Variants in RBMS1 observed in about 807,000 individuals in gnomAD.
RBMS1 encodes RNA binding motif single stranded interacting protein 1.
A neutral mutation model predicts 62.3 loss-of-function variants in RBMS1; 17 were observed. The ratio of observed to expected loss-of-function variants is 0.27; its 90% CI spans 0.19 to 0.41. RBMS1 has a LOEUF of 0.41. Ranked by LOEUF, RBMS1 falls within the 10% of genes least tolerant of loss-of-function variation. The pLI is 1.00. For missense variants in RBMS1, 334 were observed against 504.5 expected (o/e 0.66, Z 3.24); for synonymous variants, 172 against 170.0 (o/e 1.01, Z -0.09).
intron 1 of RBMS1, among the ~76,000 whole-genome samples, chr2:160,454,657 TGAA>T (rs1485883562): frequency 6.6e-6 from 1 of 152,012 alleles, no homozygotes; most frequent in East Asian, 1.9e-4. Context: ...TGGAACCCAG[TGAA>T]GAAGAGGAGT....
chr2:160,464,531 A>G (rs1684607030), intron 1 of RBMS1, among the ~76,000 whole-genome samples: 1 of 152,212 alleles, frequency 6.6e-6, no homozygotes, highest in South Asian at 2.1e-4. Flanking sequence ...AAGGCAGGCA[A>G]TATTTTCTTT....
chr2:160,354,744 C>A (rs931664971), intron 2 of RBMS1, among the ~76,000 whole-genome samples: 5 of 152,052 alleles, frequency 3.3e-5, no homozygotes, highest in Non-Finnish European at 5.9e-5. Context: ...TTAACAGAGG[C>A]AAGAAGATGC....
At chr2:160,414,335 G>A (rs1037260284) in intron 1 of RBMS1, among the ~76,000 whole-genome samples, 2 of 151,618 alleles carry the variant, frequency 1.3e-5, no homozygotes, top group African/African-American at 4.8e-5. Flanking sequence ...AATCATTGGT[G>A]GGACAGAGTT....
intron 6 of RBMS1, among the ~76,000 whole-genome samples, chr2:160,293,374 A>G (rs1296520337): frequency 6.6e-6 from 1 of 152,210 alleles, no homozygotes; most frequent in Admixed American, 6.5e-5. Flanking sequence ...CACATAACCA[A>G]TTGGAAAAGT....
intron 2 of RBMS1, among the ~76,000 whole-genome samples, chr2:160,366,183 C>T (rs925091149): frequency 3.3e-5 from 5 of 152,202 alleles, no homozygotes; most frequent in Non-Finnish European, 2.9e-5. Context: ...CTCCTTCCCC[C>T]ACCCATGGAA....
At chr2:160,465,156 G>A (rs1230968215) in intron 1 of RBMS1, among the ~76,000 whole-genome samples, 1 of 152,136 alleles carries the variant, frequency 6.6e-6, no homozygotes, top group Non-Finnish European at 1.5e-5. Context: ...AGATTAATTG[G>A]CCAACCTGTC....
At chr2:160,363,621 G>A (rs1559447902) in intron 2 of RBMS1, among the ~76,000 whole-genome samples, 2 of 152,178 alleles carry the variant, frequency 1.3e-5, no homozygotes, top group Admixed American at 1.3e-4. Context: ...ACAAAACTTA[G>A]TGACAAAGGG....
intron 9 of RBMS1, 90 bp from the exon 10 acceptor site, chr2:160,281,454 C>A: frequency 9.1e-7 from 1 of 1,100,666 alleles, no homozygotes; most frequent in Non-Finnish European, 1.3e-6. Flanking sequence ...TGTTAAAAAT[C>A]TACAGAAAGA....
At chr2:160,465,092 C>T (rs931965331) in intron 1 of RBMS1, among the ~76,000 whole-genome samples, 4 of 152,174 alleles carry the variant, frequency 2.6e-5, no homozygotes, top group Non-Finnish European at 5.9e-5. Flanking sequence ...CAAATAATCA[C>T]CATGACAAAA....
chr2:160,430,180 G>C (rs1559541765), intron 1 of RBMS1, among the ~76,000 whole-genome samples: 1 of 152,224 alleles, frequency 6.6e-6, no homozygotes, highest in South Asian at 2.1e-4. Context: ...GTCAAATGGA[G>C]CAGAAGAGCC....
intron 2 of RBMS1, among the ~76,000 whole-genome samples, chr2:160,331,736 T>C (rs1478996112): frequency 6.6e-6 from 1 of 152,140 alleles, no homozygotes; most frequent in Non-Finnish European, 1.5e-5. Flanking sequence ...AGAAATCACA[T>C]CCTACAAGGA....
intron 1 of RBMS1, among the ~76,000 whole-genome samples, chr2:160,460,964 G>T (rs537643563): frequency 2.6e-5 from 4 of 152,258 alleles, no homozygotes; most frequent in African/African-American, 9.6e-5. Context: ...ATCCCTCCTA[G>T]AAAAGGTGTT....
At chr2:160,479,700 C>T (rs544559198) in intron 1 of RBMS1, among the ~76,000 whole-genome samples, 1 of 152,156 alleles carries the variant, frequency 6.6e-6, no homozygotes, top group East Asian at 1.9e-4. Context: ...TCTGTCTCTA[C>T]ACTCTGGGTA....
intron 1 of RBMS1, among the ~76,000 whole-genome samples, chr2:160,400,783 G>A (rs1416008255): frequency 6.6e-6 from 1 of 152,008 alleles, no homozygotes; most frequent in Non-Finnish European, 1.5e-5. Flanking sequence ...GTATCTGTCA[G>A]AAACAAGTGA....
At chr2:160,372,588 C>T (rs567302518) in intron 1 of RBMS1, among the ~76,000 whole-genome samples, 1 of 152,320 alleles carries the variant, frequency 6.6e-6, no homozygotes, top group Admixed American at 6.5e-5. Context: ...TCTCTGTATG[C>T]TTTCAAGATG....
At chr2:160,306,641 G>GA (rs1689542180) in intron 4 of RBMS1, among the ~76,000 whole-genome samples, 2 of 150,458 alleles carry the variant, frequency 1.3e-5, no homozygotes, top group African/African-American at 4.9e-5. Flanking sequence ...AGAATGGAAA[G>GA]AAACTCCAAG....
intron 4 of RBMS1, among the ~76,000 whole-genome samples, chr2:160,311,117 C>T (rs2105961520): frequency 6.6e-6 from 1 of 151,014 alleles, no homozygotes; most frequent in South Asian, 2.1e-4. Flanking sequence ...TCGCTTGAAC[C>T]TGGAGGGGCA....
chr2:160,275,520 A>G, intron 13 of RBMS1, 110 bp downstream of exon 13: 1 of 1,487,248 alleles, frequency 6.7e-7, no homozygotes, highest in South Asian at 1.4e-5. Context: ...CCACGATTAA[A>G]GCAGTATGAT....
chr2:160,457,764 G>A (rs1684300084), intron 1 of RBMS1, among the ~76,000 whole-genome samples: 1 of 151,752 alleles, frequency 6.6e-6, no homozygotes, highest in Admixed American at 6.6e-5. Context: ...GGCTGCCTAT[G>A]CACTAACAGG....
Sources: allele counts gnomAD v4.1 joint callset (sites outside exome capture counted in the v4.1 genomes callset), GRCh38; gene constraint gnomAD v4.1.1; transcripts MANE v1.5; gene names NCBI Gene and HGNC (gene_info 2026-07-23, HGNC 2026-07-21).